The following FAT3 variants were observed in gnomAD, a reference collection of about 807,000 sequenced individuals.
FAT3 encodes the protein FAT atypical cadherin 3.
FAT3 carries 95 observed loss-of-function variants against 310.2 expected under a neutral mutation model. That is an observed-to-expected ratio of 0.31 (90% CI 0.26 to 0.36). The LOEUF (loss-of-function observed/expected upper bound fraction) is 0.36, where lower values mean the gene tolerates loss of function less well. Among genes scored for constraint, FAT3 ranks in the 10% least tolerant of loss-of-function variants. FAT3 has a pLI of 1.00. For missense variants in FAT3, 5,408 were observed against 5,715.6 expected (o/e 0.95, Z 1.74); for synonymous variants, 2,314 against 2,192.9 (o/e 1.06, Z -1.54).
At chr11:92,819,831 C>G (rs897165832) in intron 13 of FAT3, among the ~76,000 whole-genome samples, 1 of 152,150 alleles carries the variant, frequency 6.6e-6, no homozygotes, top group African/African-American at 2.4e-5. Flanking sequence ...AGGTGCTGTT[C>G]ATACCACAGT....
intron 2 of FAT3, among the ~76,000 whole-genome samples, chr11:92,516,848 GACAA>G (rs1338314702): frequency 2.0e-5 from 3 of 152,108 alleles, no homozygotes; most frequent in Non-Finnish European, 4.4e-5. Flanking sequence ...ACCAATAGTA[GACAA>G]ACAGAGAGCC....
chr11:92,766,096 C>A (rs1389302427), intron 6 of FAT3, among the ~76,000 whole-genome samples: 1 of 152,200 alleles, frequency 6.6e-6, no homozygotes, highest in Non-Finnish European at 1.5e-5. Flanking sequence ...GCAGGATAGA[C>A]CCTGGGAGCC....
At chr11:92,397,501 G>T (rs1025126529) in intron 2 of FAT3, among the ~76,000 whole-genome samples, 1 of 152,030 alleles carries the variant, frequency 6.6e-6, no homozygotes, top group African/African-American at 2.4e-5. Flanking sequence ...TTGAAGCTTT[G>T]GCTGGGTTAA....
chr11:92,359,348 A>AT (rs775699773), intron 2 of FAT3, among the ~76,000 whole-genome samples: 6 of 152,094 alleles, frequency 3.9e-5, no homozygotes, highest in Non-Finnish European at 7.4e-5. Flanking sequence ...TAGTGGTGAT[A>AT]TTTTTCTGAA....
At chr11:92,409,104 C>A (rs1950197247) in intron 2 of FAT3, among the ~76,000 whole-genome samples, 2 of 152,252 alleles carry the variant, frequency 1.3e-5, no homozygotes, top group South Asian at 4.1e-4. Flanking sequence ...CTTCTCTGGG[C>A]TTTCTTCTCG....
At chr11:92,630,088 A>G (rs1445673900) in intron 3 of FAT3, among the ~76,000 whole-genome samples, 1 of 151,868 alleles carries the variant, frequency 6.6e-6, no homozygotes, top group East Asian at 1.9e-4. Context: ...TCTGGCTTCT[A>G]CCTCTCTTGT....
intron 2 of FAT3, among the ~76,000 whole-genome samples, chr11:92,407,887 C>T (rs138075698): frequency 1.1e-4 from 16 of 152,096 alleles, no homozygotes; most frequent in East Asian, 7.7e-4. Flanking sequence ...CAATAAAAGA[C>T]GAGGAGGATC....
chr11:92,425,883 C>A (rs568638653), intron 2 of FAT3, among the ~76,000 whole-genome samples: 3 of 152,072 alleles, frequency 2.0e-5, no homozygotes, highest in African/African-American at 7.2e-5. Flanking sequence ...ATTTATAATC[C>A]TTTGAGTATA....
intron 2 of FAT3, among the ~76,000 whole-genome samples, chr11:92,476,390 G>A (rs1952053749): frequency 6.6e-6 from 1 of 152,154 alleles, no homozygotes; most frequent in Admixed American, 6.5e-5. Flanking sequence ...AGCAAGTCAG[G>A]TTTGCTTCTG....
intron 4 of FAT3, among the ~76,000 whole-genome samples, chr11:92,725,067 C>T (rs992967238): frequency 1.2e-4 from 18 of 152,208 alleles, no homozygotes; most frequent in African/African-American, 4.1e-4. Flanking sequence ...ACCCTAAATC[C>T]AATTGACTAA....
At chr11:92,721,758 T>C in intron 4 of FAT3, among the ~76,000 whole-genome samples, 1 of 152,160 alleles carries the variant, frequency 6.6e-6, no homozygotes, top group East Asian at 1.9e-4. Context: ...GACTCACAGT[T>C]CCATGTGGCA....
At chr11:92,533,986 C>G (rs1205127844) in intron 3 of FAT3, among the ~76,000 whole-genome samples, 1 of 152,126 alleles carries the variant, frequency 6.6e-6, no homozygotes, top group African/African-American at 2.4e-5. Flanking sequence ...TCTTTTATTT[C>G]TTCTATCTGG....
chr11:92,579,951 C>T (rs954126701), intron 3 of FAT3, among the ~76,000 whole-genome samples: 2 of 151,980 alleles, frequency 1.3e-5, no homozygotes, highest in Non-Finnish European at 2.9e-5. Context: ...TTAAACACAC[C>T]AATAGTTAGG....
chr11:92,799,745 C>T lies in FAT3; in HGVS notation c.6732C>T (p.Ser2244=). 2 of 1,612,716 alleles carry T rather than the reference C, an allele frequency of 1.2e-6. No homozygotes were observed. The highest frequency in any genetic ancestry group is 1.7e-6 in the Non-Finnish European group (2 of 1,179,340). Residue 2244 remains serine (S), a synonymous_variant, in exon 10 of 28, where the codon AGC becomes AGT. Coordinates refer to ENST00000525166, the MANE Select transcript of FAT3 (RefSeq NM_001367949.2). The part of the protein sequence containing the change: ...DFDTGVLKVV[S]PLDYEVTSAY... The stretch of plus-strand genomic sequence containing the variant: ...ACACTGGGGTCCTGAAAGTTGTTAG[C>T]CCTTTGGATTATGAAGTTACATCTG...
At chr11:92,658,607 T>G (rs1442229757) in intron 3 of FAT3, among the ~76,000 whole-genome samples, 1 of 152,182 alleles carries the variant, frequency 6.6e-6, no homozygotes, top group Admixed American at 6.5e-5. Context: ...ATCTTGCCCT[T>G]TTGCCTTGCT....
rs558703740 is a variant in FAT3 at position 92,844,047 on chromosome 11, C to T, written c.10680C>T (p.Thr3560=). The T allele has an allele frequency of 4.1e-5, 66 of 1,613,978 alleles. 1 individual carries two copies. In the South Asian group the frequency reaches 6.6e-4, roughly 16 times the overall value. Residue 3560 remains threonine (T), a synonymous_variant, in exon 19 of 28, where the codon ACC becomes ACT. Transcript: ENST00000525166. ...TTCCCCTGGAAATTTTCATTGTCAC[C>T]ATGGAGGATGACTTTCCTGGTGGGG... ...TAIPLEIFIV[T]MEDDFPGGVI... is the part of the protein sequence containing the mutation.
chr11:92,234,199 A>G (rs1475295210), intron 1 of FAT3, among the ~76,000 whole-genome samples: 1 of 152,274 alleles, frequency 6.6e-6, no homozygotes, highest in African/African-American at 2.4e-5. Flanking sequence ...ATTTTTATAA[A>G]GTAAATAACA....
intron 2 of FAT3, among the ~76,000 whole-genome samples, chr11:92,516,809 A>G (rs563394882): frequency 1.3e-5 from 2 of 152,314 alleles, no homozygotes; most frequent in Admixed American, 1.3e-4. Flanking sequence ...TACAAAGCCA[A>G]TGTGCAAAAA....
rs780359938 is a variant in FAT3, at chr11:92,764,980, C to G, written c.4086C>G (p.Phe1362Leu). ...CCCCTTCACCTATACCATTGACCTT[C>G]GATGAGCCGTTTTATAACTTCACAG... ...KPPPSPIPLT[F>L]DEPFYNFTVM... The change falls in exon 6 of 28, where the codon TTC (phenylalanine) becomes TTG (leucine). Residue 1362 changes from phenylalanine (F) to leucine (L), a missense_variant. Physicochemically the swap from Phe to Leu is conservative, Grantham distance 22 (BLOSUM62 0). This residue lies in a region of FAT3 where 4,588 missense variants were observed against 4,809.8 expected (regional missense o/e 0.95). Coordinates refer to ENST00000525166, the MANE Select transcript of FAT3 (RefSeq NM_001367949.2). 2 of 1,613,808 alleles carry G rather than the reference C, an allele frequency of 1.2e-6. No individual in the cohort carries two copies. Among genetic ancestry groups the G allele is most frequent in the Non-Finnish European group, 8.5e-7 (1 of 1,179,846 alleles).
Sources: gnomAD v4.1 joint callset for allele counts (sites outside exome capture counted in the v4.1 genomes callset) on GRCh38, gnomAD v4.1.1 for gene constraint, gnomAD v4.1.1 regional missense constraint, MANE v1.5 for transcripts, NCBI Gene and HGNC (gene_info 2026-07-23, HGNC 2026-07-21) for gene names.